Variants in CACNA1A observed in about 807,000 individuals in gnomAD.
The protein encoded by CACNA1A is voltage-dependent P/Q-type calcium channel subunit alpha-1A.
A neutral mutation model predicts 262.4 loss-of-function variants in CACNA1A; 57 were observed. The ratio of observed to expected loss-of-function variants is 0.22; its 90% CI spans 0.18 to 0.27. The LOEUF (loss-of-function observed/expected upper bound fraction) is 0.27. Among genes scored for constraint, CACNA1A ranks in the 10% least tolerant of loss-of-function variants. The probability of loss-of-function intolerance (pLI) is 1.00; values close to 1 mark genes in which losing one functional copy is unlikely to be tolerated. For missense variants in CACNA1A, 2,526 were observed against 3,562.8 expected, an observed-to-expected ratio of 0.71 and a Z score of 7.41; for synonymous variants, 1,431 against 1,419.3, an observed-to-expected ratio of 1.01 and a Z score of -0.18.
intron 35 of CACNA1A, 58 bp from the exon 36 acceptor site, chr19:13,230,267 G>A (rs2055617070): frequency 6.3e-7 from 1 of 1,588,536 alleles, no homozygotes. Flanking sequence ...GAATGAATGA[G>A]TGAGTGAGAA....
rs1165761051 is a variant in CACNA1A at position 13,506,380 on chromosome 19, G to A, written c.-156C>T. 1.0e-5 allele frequency: 6 copies of A among 573,100 alleles called. No individual in the cohort carries two copies. The highest frequency in any genetic ancestry group is 5.2e-6 in the Non-Finnish European group (2 of 384,968). The allele number at this position is 573,100 out of a possible 1,614,324, so 35.5% of individuals were successfully genotyped here. A position where few individuals can be genotyped will look rare whatever the true frequency, so the allele number is the denominator to read the frequency against. On this transcript the variant is annotated 5_prime_UTR_variant, in exon 1 of 47. Coordinates refer to ENST00000360228, the MANE Select transcript of CACNA1A (RefSeq NM_001127222.2). ...GACGCTCCACGGCCCAGCCCATCGG[G>A]CGGCGGCGGCTCGGCGCCTCGGGTC...
intron 1 of CACNA1A, among the ~76,000 whole-genome samples, chr19:13,487,120 C>A (rs1485855474): frequency 6.6e-6 from 1 of 152,208 alleles, no homozygotes; most frequent in Non-Finnish European, 1.5e-5. Flanking sequence ...ACTCTCTCCC[C>A]ATCATTAATT....
At chr19:13,481,679 C>T (rs1015368574) in intron 1 of CACNA1A, among the ~76,000 whole-genome samples, 67 of 152,004 alleles carry the variant, frequency 4.4e-4, no homozygotes, top group African/African-American at 1.5e-3. Flanking sequence ...TTCAACGTCA[C>T]TTGTATACCT....
chr19:13,463,015 C>A (rs557720416), intron 1 of CACNA1A, among the ~76,000 whole-genome samples: 33 of 152,060 alleles, frequency 2.2e-4, no homozygotes, highest in Admixed American at 1.4e-3. Flanking sequence ...CTCACCTTGG[C>A]CTTTCAAAGT....
Position 13,376,805 on chromosome 19 carries a change from T to C in CACNA1A, c.540-5026A>G, listed in dbSNP as rs1386386104. Among the ~76,000 whole-genome samples, 433 of 134,400 alleles carry C rather than the reference T, an allele frequency of 3.2e-3. 7 individuals are homozygous for C. Among genetic ancestry groups the C allele is most frequent in the African/African-American group, 0.013 (413 of 32,734 alleles). The allele number at this position is 134,400 out of a possible 152,430, so 88.2% of individuals were successfully genotyped here. On this transcript the variant is annotated intron_variant, in intron 3 of 46. Coordinates refer to ENST00000360228, the MANE Select transcript of CACNA1A (RefSeq NM_001127222.2). ...ATATATGTGACATATATACACATAA[T>C]ATATGTTATGTGTGATATATAACAC...
At chr19:13,491,782 G>A (rs926158877) in intron 1 of CACNA1A, among the ~76,000 whole-genome samples, 2 of 152,186 alleles carry the variant, frequency 1.3e-5, no homozygotes, top group South Asian at 2.1e-4. Context: ...GCTGCAGTGA[G>A]CCATGATTGC....
At position 13,302,367 on chromosome 19, in the gene CACNA1A, C is replaced by G. The variant is rs544368077; in HGVS notation, c.2172+1179G>C. Among the ~76,000 whole-genome samples the G allele has an allele frequency of 2.6e-5, 4 of 152,296 alleles. No homozygotes were observed. The South Asian group carries it at 8.3e-4, about 32-fold the overall frequency. The stretch of plus-strand genomic sequence containing the variant: ...GATTTTTGCCTTTTTTTGTTCACTG[C>G]TTAATCCCTAAGTCCTAGACCAGGG... On this transcript the variant is annotated intron_variant, in intron 17 of 46. Coordinates refer to ENST00000360228, the MANE Select transcript of CACNA1A (RefSeq NM_001127222.2).
intron 1 of CACNA1A, among the ~76,000 whole-genome samples, chr19:13,476,050 T>C (rs867104824): frequency 1.2e-4 from 18 of 152,280 alleles, no homozygotes; most frequent in Middle Eastern, 3.4e-3. Flanking sequence ...GAAGCTGCCA[T>C]CTTGGCTCAG....
In CACNA1A at chr19:13,460,928, CCT is replaced by C. The variant is rs1470732195; in HGVS notation, c.294-5718_294-5717del. Among the ~76,000 whole-genome samples, 11 of 152,170 alleles carry C rather than the reference CCT, an allele frequency of 7.2e-5. 1 individual carries two copies. The East Asian group carries it at 1.9e-3, about 27-fold the overall frequency. ...ATTTTTTTCCTTCTTTATCTTGTTC[CCT>C]GTCTCTCCCACGAGACTGCACACTC... On this transcript the variant is annotated intron_variant, in intron 1 of 46. Coordinates refer to ENST00000360228, the MANE Select transcript of CACNA1A (RefSeq NM_001127222.2).
At chr19:13,335,207 T>C (rs2058542567) in intron 7 of CACNA1A, among the ~76,000 whole-genome samples, 1 of 152,206 alleles carries the variant, frequency 6.6e-6, no homozygotes. Flanking sequence ...GCAGGTTGGC[T>C]TCTCTGCCAT....
chr19:13,467,288 C>T lies in CACNA1A; in HGVS notation c.294-12076G>A, dbSNP rs183204111. ...TTAAAAAACCACACAAAACAACAAG[C>T]CCATATTCTTTTCATAATTAAAACC... On this transcript the variant is annotated intron_variant, in intron 1 of 46. Coordinates refer to ENST00000360228, the MANE Select transcript of CACNA1A (RefSeq NM_001127222.2). Among the ~76,000 whole-genome samples the T allele has an allele frequency of 4.6e-3, 637 of 137,110 alleles. 4 individuals carry two copies. Among genetic ancestry groups the T allele is most frequent in the African/African-American group, 0.015 (600 of 40,404 alleles). The allele number at this position is 137,110 out of a possible 152,430, so 89.9% of individuals were successfully genotyped here.
chr19:13,348,226 G>A (rs1446248427), intron 6 of CACNA1A, among the ~76,000 whole-genome samples: 1 of 152,164 alleles, frequency 6.6e-6, no homozygotes, highest in Non-Finnish European at 1.5e-5. Context: ...CCTGGCCAGG[G>A]ACATGCATTT....
Position 13,214,427 on chromosome 19 carries a change from C to T in CACNA1A, c.5839+74G>A, listed in dbSNP as rs1338962664. ...GTATACCAGCCCAGGCCAACACTCT[C>T]CCCAGGCCTCCCCTTTCCCTCCCCC... On this transcript the variant is annotated intron_variant, in intron 39 of 46. Coordinates refer to ENST00000360228, the MANE Select transcript of CACNA1A (RefSeq NM_001127222.2). This position sits in a 1 kb window ranked among gnomAD's most constrained non-coding sequence, Gnocchi z 4.1. 6.5e-7 allele frequency: 1 copy of T among 1,534,932 alleles called. No individual in the cohort carries two copies. The highest frequency in any genetic ancestry group is 9.0e-7 in the Non-Finnish European group (1 of 1,114,232).
intron 30 of CACNA1A, among the ~76,000 whole-genome samples, chr19:13,246,847 T>C (rs1246489067): frequency 2.0e-5 from 3 of 152,070 alleles, no homozygotes; most frequent in Admixed American, 6.5e-5. Flanking sequence ...AGGATGATCT[T>C]GATCTCCTGA....
At chr19:13,418,650 A>G (rs1201260478) in intron 3 of CACNA1A, among the ~76,000 whole-genome samples, 2 of 152,062 alleles carry the variant, frequency 1.3e-5, no homozygotes, top group Admixed American at 6.6e-5. Flanking sequence ...TCCAAATCCA[A>G]TGGAAGGATC....
In CACNA1A at chr19:13,207,336, C is replaced by T. The variant is rs1209695949; in HGVS notation, c.7498G>A (p.Glu2500Lys). The T allele has an allele frequency of 1.3e-6, 2 of 1,561,544 alleles. No homozygotes were observed. The highest frequency in any genetic ancestry group is 2.3e-5 in the East Asian group (1 of 42,584). The change falls in exon 47 of 47, where the codon GAG becomes AAG. Residue 2500 changes from glutamate to lysine, a missense_variant. Glu to Lys is a moderately conservative substitution (Grantham distance 56, BLOSUM62 1). This residue lies in a region of CACNA1A where 929 missense variants were observed against 868.1 expected (regional missense o/e 1.07). Coordinates refer to ENST00000360228, the MANE Select transcript of CACNA1A (RefSeq NM_001127222.2). The surrounding 1 kb of genome is among the most constrained non-coding windows in gnomAD (Gnocchi z 5.7). Reference protein sequence around the residue: ...SRKGLHEPYSESDDDWC With the variant: ...SRKGLHEPYSKSDDDWC ...GCTTAGCACCAATCATCGTCACTCTCGCTGTAGGGTTCGTGCAGGCCCTTC... is the reference window on the plus strand; with the variant it reads ...GCTTAGCACCAATCATCGTCACTCTTGCTGTAGGGTTCGTGCAGGCCCTTC...
chr19:13,355,305 T>C (rs2058990081), intron 6 of CACNA1A, among the ~76,000 whole-genome samples: 1 of 152,150 alleles, frequency 6.6e-6, no homozygotes, highest in African/African-American at 2.4e-5. Flanking sequence ...CCCCGGAGGC[T>C]TTTGAGGGGC....
intron 38 of CACNA1A, among the ~76,000 whole-genome samples, chr19:13,219,906 C>T (rs1053576849): frequency 4.0e-5 from 6 of 148,316 alleles, no homozygotes; most frequent in Admixed American, 6.9e-5. Flanking sequence ...GCCGAGATTG[C>T]GCCACTGCAC....
intron 1 of CACNA1A, among the ~76,000 whole-genome samples, chr19:13,482,391 G>A (rs1160186958): frequency 6.6e-6 from 1 of 151,834 alleles, no homozygotes; most frequent in Non-Finnish European, 1.5e-5. Flanking sequence ...GCTGAGGCAG[G>A]AGAATGGCGT....
Sources: allele counts gnomAD v4.1 joint callset (sites outside exome capture counted in the v4.1 genomes callset), GRCh38; gene constraint gnomAD v4.1.1; regional missense constraint gnomAD v4.1.1; non-coding constraint Gnocchi (gnomAD v3.1); transcripts MANE v1.5; gene names NCBI Gene and HGNC (gene_info 2026-07-23, HGNC 2026-07-21).